ZNF804A: variants seen among roughly 807,000 people sequenced by gnomAD.
ZNF804A encodes zinc finger protein 804A.
ZNF804A carries 2 observed loss-of-function variants against 16.5 expected under a neutral mutation model. The observed-to-expected ratio is 0.12, with a 90% confidence interval of 0.05 to 0.38. The LOEUF (loss-of-function observed/expected upper bound fraction) is 0.38, where lower values mean the gene tolerates loss of function less well. ZNF804A is among the 10% of genes least tolerant of loss of function. The pLI, the probability that ZNF804A is intolerant of heterozygous loss-of-function variation, is 0.99. For missense variants in ZNF804A, 1,473 were observed against 1,390.7 expected (o/e 1.06, Z -0.94); for synonymous variants, 534 against 489.6 (o/e 1.09, Z -1.20).
At chr2:184,675,771 G>C (rs1692413376) in intron 1 of ZNF804A, among the ~76,000 whole-genome samples, 1 of 151,664 alleles carries the variant, frequency 6.6e-6, no homozygotes, top group African/African-American at 2.4e-5. Flanking sequence ...ATAGTACCTT[G>C]TTTGCAGCAT....
chr2:184,723,161 TA>T (rs1168251041), intron 1 of ZNF804A, among the ~76,000 whole-genome samples: 1 of 151,894 alleles, frequency 6.6e-6, no homozygotes, highest in Non-Finnish European at 1.5e-5. Flanking sequence ...CACATTACAG[TA>T]TATTCCTTTT....
intron 1 of ZNF804A, among the ~76,000 whole-genome samples, chr2:184,610,932 T>C (rs1032138143): frequency 1.3e-5 from 2 of 152,226 alleles, no homozygotes; most frequent in Non-Finnish European, 2.9e-5. Context: ...ACTATTAGTA[T>C]TGAACCATGT....
At chr2:184,854,940 C>A (rs373190561) in intron 1 of ZNF804A, among the ~76,000 whole-genome samples, 1 of 151,902 alleles carries the variant, frequency 6.6e-6, no homozygotes, top group Non-Finnish European at 1.5e-5. Flanking sequence ...AGAAAAGACA[C>A]GACATTAATT....
intron 1 of ZNF804A, among the ~76,000 whole-genome samples, chr2:184,812,151 G>A (rs1694911345): frequency 6.6e-6 from 1 of 152,112 alleles, no homozygotes; most frequent in Non-Finnish European, 1.5e-5. Context: ...TTGTAGATTT[G>A]AATATCAGTT....
At chr2:184,920,173 G>A (rs1445476890) in intron 2 of ZNF804A, among the ~76,000 whole-genome samples, 1 of 151,980 alleles carries the variant, frequency 6.6e-6, no homozygotes, top group African/African-American at 2.4e-5. Flanking sequence ...ATTTCAAATG[G>A]TGCCTGCATG....
chr2:184,692,534 A>G (rs761758155), intron 1 of ZNF804A, among the ~76,000 whole-genome samples: 5 of 152,194 alleles, frequency 3.3e-5, no homozygotes, highest in Admixed American at 6.5e-5. Context: ...AGTTTCTGAC[A>G]TTTGACTCTG....
At chr2:184,691,106 C>CAAT (rs940092356) in intron 1 of ZNF804A, among the ~76,000 whole-genome samples, 2 of 151,894 alleles carry the variant, frequency 1.3e-5, no homozygotes, top group Admixed American at 6.6e-5. Context: ...TTATGCACAA[C>CAAT]ACTTTTGTGT....
intron 1 of ZNF804A, among the ~76,000 whole-genome samples, chr2:184,745,268 TC>T (rs145307876): frequency 6.6e-6 from 1 of 151,850 alleles, no homozygotes; most frequent in African/African-American, 2.4e-5. Flanking sequence ...ACATTAGTGT[TC>T]CCGGTTTTAC....
At chr2:184,794,264 C>T (rs1019896415) in intron 1 of ZNF804A, among the ~76,000 whole-genome samples, 14 of 151,992 alleles carry the variant, frequency 9.2e-5, no homozygotes, top group African/African-American at 3.4e-4. Flanking sequence ...TATGTCCATC[C>T]TTACTGGAGT....
intron 2 of ZNF804A, among the ~76,000 whole-genome samples, chr2:184,922,303 G>C (rs1326696326): frequency 6.6e-6 from 1 of 152,082 alleles, no homozygotes; most frequent in Admixed American, 6.6e-5. Context: ...TTTAACTGGA[G>C]TGGGATGATG....
chr2:184,805,333 T>G (rs552478260), intron 1 of ZNF804A, among the ~76,000 whole-genome samples: 1 of 152,164 alleles, frequency 6.6e-6, no homozygotes, highest in Non-Finnish European at 1.5e-5. Context: ...AACAGTGCCT[T>G]CTGTCTTTAA....
intron 2 of ZNF804A, among the ~76,000 whole-genome samples, chr2:184,883,191 C>T (rs549869432): frequency 6.6e-6 from 1 of 151,966 alleles, no homozygotes; most frequent in Non-Finnish European, 1.5e-5. Flanking sequence ...TGGATAAATG[C>T]CTAAACACAT....
intron 1 of ZNF804A, among the ~76,000 whole-genome samples, chr2:184,653,798 A>G (rs1010000125): frequency 7.9e-5 from 12 of 152,156 alleles, no homozygotes; most frequent in Non-Finnish European, 1.8e-4. Context: ...ATACTCCAGC[A>G]GTTTGGCTTT....
rs1447012464 is a variant in ZNF804A, at chr2:184,936,803, AAAT to A, written c.1414_1416del (p.Asn472del). The A allele has an allele frequency of 6.2e-7, 1 of 1,613,376 alleles. No individual in the cohort carries two copies. The highest frequency in any genetic ancestry group is 8.5e-7 in the Non-Finnish European group (1 of 1,179,752). ...GTTTTGACTTCAAGTCTACTAAAGTAAATAATAATCTAGATAAAAATAAGCCAG... is the reference window on the plus strand; with the variant it reads ...GTTTTGACTTCAAGTCTACTAAAGTAAATAATCTAGATAAAAATAAGCCAG... On this transcript the variant is annotated inframe_deletion, in exon 4 of 4. Coordinates refer to ENST00000302277, the MANE Select transcript of ZNF804A (RefSeq NM_194250.2).
chr2:184,857,719 T>C (rs962098776), intron 1 of ZNF804A, among the ~76,000 whole-genome samples: 5 of 152,216 alleles, frequency 3.3e-5, no homozygotes, highest in African/African-American at 1.2e-4. Context: ...CACTATATAA[T>C]GACCTTTTAA....
intron 1 of ZNF804A, among the ~76,000 whole-genome samples, chr2:184,713,120 G>T (rs1449164615): frequency 6.6e-6 from 1 of 151,698 alleles, no homozygotes; most frequent in African/African-American, 2.4e-5. Flanking sequence ...TATATTTGAA[G>T]AAATAGCCAC....
intron 1 of ZNF804A, among the ~76,000 whole-genome samples, chr2:184,645,611 G>A (rs963675848): frequency 6.6e-6 from 1 of 152,194 alleles, no homozygotes; most frequent in Non-Finnish European, 1.5e-5. Context: ...GAATATAATA[G>A]GTAGAGAATA....
At chr2:184,935,728 A>ATTTTTTTTTTTT in intron 3 of ZNF804A, 55 bp from the exon 4 acceptor site, 7 of 1,457,932 alleles carry the variant, frequency 4.8e-6, no homozygotes, top group South Asian at 3.0e-5. Flanking sequence ...ATATTTGACT[A>ATTTTTTTTTTTT]TTTTTTTTTC....
intron 2 of ZNF804A, among the ~76,000 whole-genome samples, chr2:184,907,326 T>A (rs1685291857): frequency 6.6e-6 from 1 of 152,190 alleles, no homozygotes; most frequent in Non-Finnish European, 1.5e-5. Flanking sequence ...TGTTTCTGAC[T>A]TGGAAATTAC....
Sources: allele counts gnomAD v4.1 joint callset (sites outside exome capture counted in the v4.1 genomes callset), GRCh38; gene constraint gnomAD v4.1.1; transcripts MANE v1.5; gene names NCBI Gene and HGNC (gene_info 2026-07-23, HGNC 2026-07-21).